Variants in CHL1 observed in about 807,000 individuals in gnomAD.
CHL1 encodes neural cell adhesion molecule L1-like protein.
In CHL1, 96 loss-of-function variants were observed where a neutral mutation model predicts 141.9. The observed-to-expected ratio is 0.68, with a 90% CI of 0.57 to 0.80. CHL1 has a LOEUF of 0.80. Ranked by LOEUF, CHL1 falls within the 30% of genes least tolerant of loss-of-function variation. CHL1 has a pLI of 0.00. For missense variants in CHL1, 1,820 were observed against 1,457.2 expected, an observed-to-expected ratio of 1.25 and a Z score of -4.05; for synonymous variants, 613 against 502.2, an observed-to-expected ratio of 1.22 and a Z score of -2.95.
At chr3:303,666 TG>T (rs1698963275) in intron 2 of CHL1, among the ~76,000 whole-genome samples, 2 of 152,208 alleles carry the variant, frequency 1.3e-5, no homozygotes, top group Admixed American at 1.3e-4. Context: ...TATACAATCA[TG>T]TCAACTCCAA....
intron 27 of CHL1, 116 bp downstream of exon 27, chr3:401,814 C>A (rs927163068): frequency 5.0e-6 from 3 of 596,116 alleles, no homozygotes; most frequent in East Asian, 6.3e-5. Flanking sequence ...TGTAATGACC[C>A]TATAAAGAAT....
At chr3:197,466 G>T in intron 1 of CHL1, 1 of 164,086 alleles carries the variant, frequency 6.1e-6, no homozygotes, top group East Asian at 1.7e-4. Context: ...CCCTCTCTCG[G>T]GTGGGGCTCC....
At chr3:283,633 G>T (rs1055586057) in intron 2 of CHL1, among the ~76,000 whole-genome samples, 3 of 152,200 alleles carry the variant, frequency 2.0e-5, no homozygotes, top group Non-Finnish European at 4.4e-5. Context: ...GAGGAATACA[G>T]ACTCTAGTGT....
chr3:266,104 A>C (rs1397608271), intron 2 of CHL1, among the ~76,000 whole-genome samples: 3 of 152,196 alleles, frequency 2.0e-5, no homozygotes, highest in Admixed American at 6.5e-5. Context: ...CAGTATCCTC[A>C]GTTAAGCATG....
In CHL1 at chr3:294,437, A is replaced by G. The variant is rs556497545; in HGVS notation, c.-94-25246A>G. ...AGGACCTTCCCAAGTTACCCATGTAATATTATTTAATTGTACATGTTTAAA... is the reference window on the plus strand; with the variant it reads ...AGGACCTTCCCAAGTTACCCATGTAGTATTATTTAATTGTACATGTTTAAA... On this transcript the variant is annotated intron_variant, in intron 2 of 27. Transcript: ENST00000256509. Among the ~76,000 whole-genome samples, 99 of 152,308 alleles carry G rather than the reference A, an allele frequency of 6.5e-4. 1 individual carries two copies. The highest frequency in any genetic ancestry group is 2.2e-3 in the African/African-American group (92 of 41,558).
At chr3:344,429 G>A (rs1054499734) in intron 8 of CHL1, among the ~76,000 whole-genome samples, 160 bp from the exon 9 acceptor site, 1 of 151,326 alleles carries the variant, frequency 6.6e-6, no homozygotes, top group South Asian at 2.1e-4. Flanking sequence ...GAGAGAAGAG[G>A]AGTCTATTTA....
rs532884046 is a variant in CHL1 at position 276,758 on chromosome 3, C to G, written c.-95+32066C>G. ...CAAAAAATTAGCTGGGCATGCTGGC[C>G]GGCACCTGTAGTCCCAGCTACTCAG... On this transcript the variant is annotated intron_variant, in intron 2 of 27. Coordinates refer to ENST00000256509, the MANE Select transcript of CHL1 (RefSeq NM_006614.4). Among the ~76,000 whole-genome samples the G allele has an allele frequency of 2.1e-3, 325 of 151,738 alleles. 1 individual carries two copies. The highest frequency in any genetic ancestry group is 7.3e-3 in the African/African-American group (301 of 41,372).
chr3:395,934 A>C (rs1226953569), intron 24 of CHL1, among the ~76,000 whole-genome samples: 1 of 152,174 alleles, frequency 6.6e-6, no homozygotes, highest in Non-Finnish European at 1.5e-5. Flanking sequence ...CAAGCTTGTG[A>C]GTGACTGTAA....
intron 1 of CHL1, among the ~76,000 whole-genome samples, chr3:224,187 A>T (rs888891882): frequency 6.6e-6 from 1 of 152,092 alleles, no homozygotes; most frequent in Non-Finnish European, 1.5e-5. Context: ...CTGAACAAGG[A>T]GGGAGTAGTT....
Position 340,821 on chromosome 3 carries a change from T to C in CHL1, c.413T>C (p.Ile138Thr), listed in dbSNP as rs1000099587. The C allele has an allele frequency of 1.9e-6, 3 of 1,611,072 alleles. No homozygotes were observed. The highest frequency in any genetic ancestry group is 3.4e-5 in the Admixed American group (2 of 59,674). ...GTTCCAAAATTCCCAAAAGAAAAAA[T>C]TGACCCTCTTGAAGTGGAGGAGGGA... ...PSVPKFPKEK[I>T]DPLEVEEGDP... Residue 138 changes from isoleucine to threonine, a missense_variant, in exon 6 of 28, where the codon ATT becomes ACT. By Grantham distance (89) the Ile-to-Thr change is moderately conservative. Transcript: ENST00000256509.
At position 377,960 on chromosome 3, in the gene CHL1, T is replaced by A. The variant is rs1012141663; in HGVS notation, c.1876+18T>A. 6.3e-7 allele frequency: 1 copy of A among 1,583,300 alleles called. No individual in the cohort carries two copies. Among genetic ancestry groups the A allele is most frequent in the Admixed American group, 1.8e-5 (1 of 54,628 alleles). On this transcript the variant is annotated intron_variant, in intron 16 of 27. Transcript: ENST00000256509. ...TGTTCTTGGTAAGTGCACTAACTAATGAGAAATCTGTTCATTTCTTCATTT... is the reference window on the plus strand; with the variant it reads ...TGTTCTTGGTAAGTGCACTAACTAAAGAGAAATCTGTTCATTTCTTCATTT...
intron 2 of CHL1, among the ~76,000 whole-genome samples, chr3:259,033 A>C (rs1354031780): frequency 1.3e-5 from 2 of 149,456 alleles, no homozygotes; most frequent in African/African-American, 5.0e-5. Context: ...TCCTGGGCTC[A>C]GGTGGTCCTC....
intron 11 of CHL1, among the ~76,000 whole-genome samples, chr3:358,639 T>G (rs919172825): frequency 5.3e-5 from 8 of 152,096 alleles, no homozygotes; most frequent in Non-Finnish European, 1.2e-4. Context: ...TAGCTGCTCT[T>G]TGGGCAGTGG....
intron 2 of CHL1, among the ~76,000 whole-genome samples, chr3:265,431 A>T (rs971540498): frequency 6.6e-6 from 1 of 152,216 alleles, no homozygotes; most frequent in Non-Finnish European, 1.5e-5. Context: ...CTTACTGATC[A>T]CTGTAACTCA....
chr3:275,323 C>G (rs962905143), intron 2 of CHL1, among the ~76,000 whole-genome samples: 4 of 152,182 alleles, frequency 2.6e-5, no homozygotes, highest in Admixed American at 2.6e-4. Flanking sequence ...GGTCAGATTT[C>G]CCTTGTCAGA....
chr3:384,286 T>C (rs556484533), intron 19 of CHL1: 1 of 154,120 alleles, frequency 6.5e-6, no homozygotes, highest in South Asian at 2.0e-4. Context: ...TCACTACTCA[T>C]TAAACACCAG....
intron 2 of CHL1, among the ~76,000 whole-genome samples, chr3:307,335 T>A (rs756590675): frequency 6.6e-6 from 1 of 152,050 alleles, no homozygotes; most frequent in Non-Finnish European, 1.5e-5. Context: ...CACACAAACG[T>A]ACACTTCACA....
At chr3:360,235 AT>A in intron 11 of CHL1, 48 bp from the exon 12 acceptor site, 1 of 1,600,068 alleles carries the variant, frequency 6.2e-7, no homozygotes, top group Non-Finnish European at 8.5e-7. Context: ...GTGTATAAAT[AT>A]TTTATGTCCT....
At chr3:351,188 G>A (rs984060246) in intron 10 of CHL1, among the ~76,000 whole-genome samples, 6 of 152,208 alleles carry the variant, frequency 3.9e-5, no homozygotes, top group South Asian at 4.2e-4. Context: ...TGCAAAAAAC[G>A]AAATCAAAGA....
Sources: gnomAD v4.1 joint callset for allele counts (sites outside exome capture counted in the v4.1 genomes callset) on GRCh38, gnomAD v4.1.1 for gene constraint, MANE v1.5 for transcripts, NCBI Gene and HGNC (gene_info 2026-07-23, HGNC 2026-07-21) for gene names.